The following LRRTM4 variants were observed in gnomAD, a reference collection of about 807,000 sequenced individuals.
The protein encoded by LRRTM4 is leucine rich repeat transmembrane neuronal 4.
Under a neutral mutation model 47.6 loss-of-function variants are expected in LRRTM4, and 25 were observed. That is an observed-to-expected ratio of 0.53 (90% CI 0.38 to 0.73). The LOEUF (loss-of-function observed/expected upper bound fraction) is 0.73. Among genes scored for constraint, LRRTM4 ranks in the 30% least tolerant of loss-of-function variants. LRRTM4 has a pLI of 0.00. For missense variants in LRRTM4, 638 were observed against 713.4 expected (o/e 0.89, Z 1.20); for synonymous variants, 311 against 269.5 (o/e 1.15, Z -1.51).
intron 3 of LRRTM4, among the ~76,000 whole-genome samples, chr2:76,925,860 C>G (rs1674573849): frequency 6.6e-6 from 1 of 152,038 alleles, no homozygotes. Flanking sequence ...GGGAGAAAAC[C>G]TCACACAGTA....
At chr2:77,091,856 A>T (rs148102408) in intron 3 of LRRTM4, among the ~76,000 whole-genome samples, 1 of 134,294 alleles carries the variant, frequency 7.4e-6, no homozygotes, top group African/African-American at 3.1e-5. Flanking sequence ...AATCGTGTCC[A>T]ACTGATCTCT....
At chr2:76,831,560 A>G (rs908520413) in intron 3 of LRRTM4, among the ~76,000 whole-genome samples, 1 of 152,156 alleles carries the variant, frequency 6.6e-6, no homozygotes, top group Admixed American at 6.6e-5. Context: ...CCATCAGCCT[A>G]TAAAAAGATG....
At chr2:76,818,538 C>A (rs1670966537) in intron 3 of LRRTM4, among the ~76,000 whole-genome samples, 1 of 151,788 alleles carries the variant, frequency 6.6e-6, no homozygotes, top group South Asian at 2.1e-4. Flanking sequence ...ACTGTGGTTA[C>A]CAGCCTTCTC....
At chr2:77,078,420 A>G (rs1680421856) in intron 3 of LRRTM4, among the ~76,000 whole-genome samples, 1 of 151,862 alleles carries the variant, frequency 6.6e-6, no homozygotes, top group African/African-American at 2.4e-5. Context: ...GTTCTGGTGC[A>G]CTGCTCTGTG....
intron 3 of LRRTM4, among the ~76,000 whole-genome samples, chr2:77,110,113 A>T (rs1304249026): frequency 6.6e-6 from 1 of 152,174 alleles, no homozygotes; most frequent in Non-Finnish European, 1.5e-5. Flanking sequence ...CACAGACATC[A>T]CAGGAAGATG....
chr2:76,868,807 T>C (rs2104041276), intron 3 of LRRTM4, among the ~76,000 whole-genome samples: 2 of 152,276 alleles, frequency 1.3e-5, no homozygotes, highest in South Asian at 4.1e-4. Context: ...GTGATTATTC[T>C]AAGAACTTTT....
intron 3 of LRRTM4, among the ~76,000 whole-genome samples, chr2:77,484,044 A>G (rs1239010359): frequency 6.6e-6 from 1 of 152,208 alleles, no homozygotes; most frequent in Admixed American, 6.5e-5. Flanking sequence ...TTGTTGTGTT[A>G]CCATTAGATA....
At chr2:77,135,154 A>G (rs1420736946) in intron 3 of LRRTM4, among the ~76,000 whole-genome samples, 2 of 152,210 alleles carry the variant, frequency 1.3e-5, no homozygotes, top group Non-Finnish European at 2.9e-5. Context: ...GCATCCTTCC[A>G]ACTCCACAGA....
Position 77,207,372 on chromosome 2 carries a change from T to TATATATATATACAC in LRRTM4, c.1551+310945_1551+310946insGTGTATATATATAT, listed in dbSNP as rs59335400. ...GTGTATATATATATATATATATATA[T>TATATATATATACAC]ACACACACACATATTTATATACACA... On this transcript the variant is annotated intron_variant, in intron 3 of 3. Coordinates refer to ENST00000409884, the MANE Select transcript of LRRTM4 (RefSeq NM_001134745.3). Among the ~76,000 whole-genome samples, 392 of 131,002 alleles carry TATATATATATACAC rather than the reference T, an allele frequency of 3.0e-3. 2 individuals carry two copies. Among genetic ancestry groups the TATATATATATACAC allele is most frequent in the African/African-American group, 0.01 (322 of 30,852 alleles). The allele number at this position is 131,002 out of a possible 152,430, so 85.9% of individuals were successfully genotyped here. A position where few individuals can be genotyped will look rare whatever the true frequency, so the allele number is the denominator to read the frequency against.
intron 3 of LRRTM4, among the ~76,000 whole-genome samples, chr2:77,260,176 C>T (rs1372197319): frequency 6.6e-6 from 1 of 151,932 alleles, no homozygotes; most frequent in African/African-American, 2.4e-5. Flanking sequence ...ACAGAATACT[C>T]AGGTTTACAA....
intron 3 of LRRTM4, among the ~76,000 whole-genome samples, chr2:77,408,657 C>T (rs969681875): frequency 7.2e-5 from 11 of 152,178 alleles, no homozygotes; most frequent in Non-Finnish European, 1.6e-4. Flanking sequence ...TGAATCCCCC[C>T]AGGAAGGATA....
chr2:77,190,427 TGGGA>T (rs1470668302), intron 3 of LRRTM4, among the ~76,000 whole-genome samples: 2 of 151,690 alleles, frequency 1.3e-5, no homozygotes, highest in African/African-American at 4.8e-5. Context: ...CCCAAGTAGC[TGGGA>T]TAACAGGTGC....
intron 3 of LRRTM4, among the ~76,000 whole-genome samples, chr2:77,182,069 GGGTATATACCCAAA>G (rs748848692): frequency 1.3e-5 from 2 of 152,240 alleles, no homozygotes; most frequent in South Asian, 4.1e-4. Flanking sequence ...TCCCATTACT[GGGTATATACCCAAA>G]GGATTATAAA....
chr2:76,997,432 G>A (rs1045161651), intron 3 of LRRTM4, among the ~76,000 whole-genome samples: 1 of 151,982 alleles, frequency 6.6e-6, no homozygotes, highest in Non-Finnish European at 1.5e-5. Flanking sequence ...CAGTCCTCCA[G>A]CTCAGGCCTC....
chr2:77,091,731 G>C (rs1289540245), intron 3 of LRRTM4, among the ~76,000 whole-genome samples: 1 of 145,924 alleles, frequency 6.9e-6, no homozygotes, highest in African/African-American at 2.5e-5. Flanking sequence ...AGGCTGTACT[G>C]CCTGCCGCAA....
At chr2:77,285,544 C>G (rs1297347521) in intron 3 of LRRTM4, among the ~76,000 whole-genome samples, 1 of 151,606 alleles carries the variant, frequency 6.6e-6, no homozygotes, top group Non-Finnish European at 1.5e-5. Context: ...GAGTTCAAGA[C>G]TAGTTTGGCC....
chr2:76,839,752 T>TGATTCTAATACTTTTAAAGAATTTAG (rs1671617766), intron 3 of LRRTM4, among the ~76,000 whole-genome samples: 1 of 152,170 alleles, frequency 6.6e-6, no homozygotes, highest in Non-Finnish European at 1.5e-5. Context: ...AGTTTGTTTA[T>TGATTCTAATACTTTTAAAGAATTTAG]GATTCTAATA....
intron 3 of LRRTM4, among the ~76,000 whole-genome samples, chr2:76,948,798 G>T (rs1052182170): frequency 1.3e-5 from 2 of 151,746 alleles, no homozygotes; most frequent in Non-Finnish European, 3.0e-5. Flanking sequence ...ACATTGAACT[G>T]CAAGTAAATT....
chr2:77,051,521 C>T (rs1224783476), intron 3 of LRRTM4, among the ~76,000 whole-genome samples: 2 of 152,082 alleles, frequency 1.3e-5, no homozygotes, highest in Admixed American at 6.5e-5. Flanking sequence ...ATCTTAATGC[C>T]TAAGACTGAG....
Sources: gnomAD v4.1 joint callset for allele counts (sites outside exome capture counted in the v4.1 genomes callset) on GRCh38, gnomAD v4.1.1 for gene constraint, MANE v1.5 for transcripts, NCBI Gene and HGNC (gene_info 2026-07-23, HGNC 2026-07-21) for gene names.